GMEB1: variants seen among roughly 807,000 people sequenced by gnomAD.
GMEB1 encodes glucocorticoid modulatory element binding protein 1.
A neutral mutation model predicts 52.4 loss-of-function variants in GMEB1; 6 were observed. The ratio of observed to expected loss-of-function variants is 0.11; its 90% CI spans 0.06 to 0.23. GMEB1 has a LOEUF of 0.23. Ranked by LOEUF, GMEB1 falls within the 10% of genes least tolerant of loss-of-function variation. The probability of loss-of-function intolerance (pLI) is 1.00; values close to 1 mark genes in which losing one functional copy is unlikely to be tolerated. For synonymous variants in GMEB1, 255 were observed against 244.9 expected, an observed-to-expected ratio of 1.04 and a Z score of -0.38; for missense variants, 486 against 685.6, an observed-to-expected ratio of 0.71 and a Z score of 3.25.
chr1:28,692,319 G>A (rs1329602090), intron 4 of GMEB1, among the ~76,000 whole-genome samples: 4 of 152,058 alleles, frequency 2.6e-5, no homozygotes, highest in Non-Finnish European at 4.4e-5. Context: ...ATCACCTGAG[G>A]TCAGGAGGTA....
At chr1:28,693,431 C>T (rs918041284) in intron 5 of GMEB1, among the ~76,000 whole-genome samples, 7 of 152,006 alleles carry the variant, frequency 4.6e-5, no homozygotes, top group African/African-American at 1.7e-4. Context: ...GTTGGTCAGG[C>T]TGATCTTAAA....
Position 28,717,667 on chromosome 1 carries a change from C to T in GMEB1, c.*2894C>T, listed in dbSNP as rs757121885. On this transcript the variant is annotated 3_prime_UTR_variant, in exon 10 of 10. Transcript: ENST00000373816. ...TGAGGGAAGTAGCTTTTATTTCCTG[C>T]TTGTTTAGGTTTTCTGTTGGTACAT... The T allele has an allele frequency of 7.9e-5, 12 of 152,152 alleles. No individual in the cohort carries two copies. Among genetic ancestry groups the T allele is most frequent in the Non-Finnish European group, 1.5e-4 (10 of 68,028 alleles). 9.4% of individuals were successfully genotyped at this position (152,152 alleles called of 1,614,324 possible).
At chr1:28,704,859 C>T (rs112577528) in intron 8 of GMEB1, among the ~76,000 whole-genome samples, 4 of 151,938 alleles carry the variant, frequency 2.6e-5, no homozygotes, top group East Asian at 3.9e-4. Flanking sequence ...CCCCCCGCCT[C>T]GGCCTCCCAA....
rs1671215649 is a variant in GMEB1, at chr1:28,714,765, G to C, written c.1684G>C (p.Glu562Gln). Residue 562 changes from glutamate to glutamine, a missense_variant, in exon 10 of 10, where the codon GAG (glutamate) becomes CAG (glutamine). Physicochemically the swap from Glu to Gln is conservative, Grantham distance 29. Transcript: ENST00000373816. Reference sequence around the variant, plus strand: ...TCACAATGTGGAGATTGTGGTCTTAGAGGATTAACTGGGGATCTCAGGGCC... The same window carrying C: ...TCACAATGTGGAGATTGTGGTCTTACAGGATTAACTGGGGATCTCAGGGCC... ...QVHNVEIVVL[E>Q]D The C allele has an allele frequency of 6.2e-7, 1 of 1,604,612 alleles. No individual in the cohort carries two copies. The highest frequency in any genetic ancestry group is 1.3e-5 in the African/African-American group (1 of 74,852).
At chr1:28,681,859 C>G (rs187475470) in intron 1 of GMEB1, among the ~76,000 whole-genome samples, 1 of 151,986 alleles carries the variant, frequency 6.6e-6, no homozygotes, top group Non-Finnish European at 1.5e-5. Flanking sequence ...TGTACCACCG[C>G]GCCAGGCCAA....
chr1:28,681,046 AAAAAC>A (rs565663360), intron 1 of GMEB1, among the ~76,000 whole-genome samples: 3 of 152,160 alleles, frequency 2.0e-5, no homozygotes, highest in Admixed American at 1.3e-4. Flanking sequence ...CTCTGTCTAA[AAAAAC>A]AAAACAAAAC....
chr1:28,703,672 T>A (rs1570427603), intron 7 of GMEB1, among the ~76,000 whole-genome samples: 3 of 151,396 alleles, frequency 2.0e-5, no homozygotes, highest in East Asian at 1.9e-4. Context: ...AGAAAAAAAA[T>A]AAAAATAAAA....
chr1:28,675,781 C>T (rs142760080), intron 1 of GMEB1, among the ~76,000 whole-genome samples: 1 of 152,188 alleles, frequency 6.6e-6, no homozygotes, highest in East Asian at 1.9e-4. Flanking sequence ...TCCAAAGCCC[C>T]GAACGATCAA....
intron 1 of GMEB1, among the ~76,000 whole-genome samples, chr1:28,672,972 C>T (rs564356685): frequency 2.0e-5 from 3 of 150,704 alleles, no homozygotes; most frequent in East Asian, 2.0e-4. Flanking sequence ...CTCGGCTCAG[C>T]GCAACCTCTG....
chr1:28,675,381 T>C (rs12566174), intron 1 of GMEB1, among the ~76,000 whole-genome samples: 56,180 of 151,758 alleles, frequency 0.37, 12,302 homozygotes, highest in East Asian at 0.76. Flanking sequence ...TGTGTTCACA[T>C]AGAATTCCAG....
At chr1:28,706,244 T>C (rs4233253) in intron 8 of GMEB1, among the ~76,000 whole-genome samples, 57,203 of 152,050 alleles carry the variant, frequency 0.38, 12,432 homozygotes, top group East Asian at 0.76. Flanking sequence ...TGTTCACTTA[T>C]AGCTGTTTCT....
chr1:28,696,863 G>A lies in GMEB1; in HGVS notation c.441-64G>A, dbSNP rs72887625. On this transcript the variant is annotated intron_variant, in intron 5 of 9. Coordinates refer to ENST00000373816, the MANE Select transcript of GMEB1 (RefSeq NM_001319674.2). ...AGCAGTGTTGTCCCTATTTTTCCCT[G>A]AGGCCTAGTTCCCACTAGATGAAGT... 8.4e-3 allele frequency: 10,593 copies of A among 1,259,760 alleles called. 606 individuals are homozygous for A. The African/African-American group carries it at 0.13, about 16-fold the overall frequency. 78.0% of individuals were successfully genotyped at this position (1,259,760 alleles called of 1,614,324 possible).
At chr1:28,669,220 G>A (rs1329017639) in intron 1 of GMEB1, among the ~76,000 whole-genome samples, 2 of 151,790 alleles carry the variant, frequency 1.3e-5, no homozygotes, top group East Asian at 3.9e-4. Flanking sequence ...GGGCCAGGAG[G>A]GGCCGGAGTG....
At chr1:28,695,950 A>G in intron 5 of GMEB1, among the ~76,000 whole-genome samples, 1 of 57,022 alleles carries the variant, frequency 1.8e-5, no homozygotes, top group African/African-American at 4.9e-5. Context: ...AAAAAAAAAA[A>G]AAAAAAAAAA....
intron 5 of GMEB1, among the ~76,000 whole-genome samples, chr1:28,693,361 G>A (rs1670051036): frequency 6.6e-6 from 1 of 150,920 alleles, no homozygotes; most frequent in Non-Finnish European, 1.5e-5. Context: ...GGGATTACAG[G>A]TGCCCACCAC....
At chr1:28,692,897 C>A in intron 4 of GMEB1, 45 bp from the exon 5 acceptor site, 2 of 1,011,894 alleles carry the variant, frequency 2.0e-6, no homozygotes, top group Non-Finnish European at 3.0e-6. Context: ...TCTTGGCCTG[C>A]CTAAGTTGAC....
intron 2 of GMEB1, 191 bp from the exon 3 acceptor site, chr1:28,689,913 A>G (rs1482705142): frequency 2.1e-6 from 1 of 473,290 alleles, no homozygotes; most frequent in Non-Finnish European, 3.7e-6. Flanking sequence ...ATTCATTTTC[A>G]TGGTAGAAGC....
Position 28,714,261 on chromosome 1 carries a change from G to T in GMEB1, c.1180G>T (p.Val394Phe), listed in dbSNP as rs1343834734. 6.2e-7 allele frequency: 1 copy of T among 1,614,068 alleles called. No homozygotes were observed. Among genetic ancestry groups the T allele is most frequent in the African/African-American group, 1.3e-5 (1 of 74,918 alleles). Residue 394 changes from valine to phenylalanine, a missense_variant, in exon 10 of 10, where the codon GTC (valine) becomes TTC (phenylalanine). Around this residue, in one of 5 missense-constraint regions of GMEB1, gnomAD observed 2 missense variants for 17.4 expected, o/e 0.12. Transcript: ENST00000373816. ...TCCTGTCCAGCAGCCTCAGTTCACA[G>T]TCATCTCACCCATCACCATCACCCC... ...SPPVQQPQFT[V>F]ISPITITPVG... is the part of the protein sequence containing the mutation.
chr1:28,710,632 T>C lies in GMEB1; in HGVS notation c.981T>C (p.Tyr327=), dbSNP rs143592261. 1.1e-4 allele frequency: 175 copies of C among 1,595,932 alleles called. No homozygotes were observed. The African/African-American group carries it at 2.2e-3, about 20-fold the overall frequency. The change falls in exon 9 of 10, where the codon TAT becomes TAC. Residue 327 remains tyrosine (Y), a synonymous_variant. Transcript: ENST00000373816. ...AGCAGGGAGAAGAACAGTTTCTCTA[T>C]ACTCTGACAGGTATGTATAAGTTAT... ...QVEQGEEQFL[Y]TLTDLERQLE...
Sources: allele counts gnomAD v4.1 joint callset (sites outside exome capture counted in the v4.1 genomes callset), GRCh38; gene constraint gnomAD v4.1.1; regional missense constraint gnomAD v4.1.1; transcripts MANE v1.5; gene names NCBI Gene and HGNC (gene_info 2026-07-23, HGNC 2026-07-21).